CSMD1: variants seen among roughly 807,000 people sequenced by gnomAD.
CSMD1 encodes CUB and Sushi multiple domains 1.
In CSMD1, 213 loss-of-function variants were observed where a neutral mutation model predicts 417.5. The observed-to-expected ratio is 0.51, with a 90% CI of 0.46 to 0.57. CSMD1 has a LOEUF of 0.57. Among genes scored for constraint, CSMD1 ranks in the 20% least tolerant of loss-of-function variants. The pLI is 0.00. For synonymous variants in CSMD1, 2,862 were observed against 1,736.8 expected (o/e 1.65, Z -16.11); for missense variants, 6,923 against 4,529.7 (o/e 1.53, Z -15.17).
At chr8:3,393,133 C>G (rs1221114846) in intron 17 of CSMD1, among the ~76,000 whole-genome samples, 2 of 152,096 alleles carry the variant, frequency 1.3e-5, no homozygotes, top group Non-Finnish European at 2.9e-5. Context: ...TTCTGAGGTC[C>G]TATTTCTCCC....
At chr8:4,586,532 G>GA (rs761503726) in intron 2 of CSMD1, among the ~76,000 whole-genome samples, 1 of 152,076 alleles carries the variant, frequency 6.6e-6, no homozygotes, top group Non-Finnish European at 1.5e-5. Context: ...AATTTTCCAG[G>GA]AAAAATCAAT....
At chr8:4,598,719 G>T (rs1041049495) in intron 2 of CSMD1, among the ~76,000 whole-genome samples, 1 of 152,142 alleles carries the variant, frequency 6.6e-6, no homozygotes, top group Non-Finnish European at 1.5e-5. Flanking sequence ...GCCAGTGTGG[G>T]TACTGGTACT....
chr8:3,260,998 A>C (rs906958206), intron 26 of CSMD1, among the ~76,000 whole-genome samples: 2 of 151,182 alleles, frequency 1.3e-5, no homozygotes, highest in Non-Finnish European at 2.9e-5. Context: ...GAACAACAAC[A>C]ACAACAAACA....
intron 3 of CSMD1, among the ~76,000 whole-genome samples, chr8:4,093,284 T>C (rs540757467): frequency 9.6e-4 from 146 of 152,286 alleles, no homozygotes; most frequent in Middle Eastern, 6.8e-3. Flanking sequence ...TAAAAAATAA[T>C]TTATCCTATA....
At chr8:4,120,763 C>T (rs1802441579) in intron 3 of CSMD1, among the ~76,000 whole-genome samples, 1 of 152,156 alleles carries the variant, frequency 6.6e-6, no homozygotes, top group Non-Finnish European at 1.5e-5. Flanking sequence ...TAGAGGACAC[C>T]TAGTTAAAAC....
chr8:3,473,924 G>A (rs1289731302), intron 11 of CSMD1, among the ~76,000 whole-genome samples: 1 of 152,146 alleles, frequency 6.6e-6, no homozygotes, highest in Non-Finnish European at 1.5e-5. Context: ...GTCTTACATG[G>A]CAGGAGGAGA....
chr8:4,913,739 G>A (rs911497922), intron 1 of CSMD1, among the ~76,000 whole-genome samples: 4 of 152,132 alleles, frequency 2.6e-5, no homozygotes, highest in East Asian at 1.9e-4. Flanking sequence ...ATCTGCAAGC[G>A]AGGGAGTTGT....
In CSMD1 at chr8:4,411,168, A is replaced by C. The variant is rs77217465; in HGVS notation, c.415+8785T>G. Among the ~76,000 whole-genome samples, 917 of 152,290 alleles carry C rather than the reference A, an allele frequency of 6.0e-3. 38 individuals are homozygous for C. The East Asian group carries it at 0.092, about 15-fold the overall frequency. The stretch of plus-strand genomic sequence containing the variant: ...CATCTCTTTCCTTTATAAATTACCC[A>C]GTCTCAGGTAACACAGCAACATAAA... On this transcript the variant is annotated intron_variant, in intron 3 of 69. Coordinates refer to ENST00000635120, the MANE Select transcript of CSMD1 (RefSeq NM_033225.6).
chr8:4,105,183 T>G (rs1267411632), intron 3 of CSMD1, among the ~76,000 whole-genome samples: 1 of 152,132 alleles, frequency 6.6e-6, no homozygotes, highest in Non-Finnish European at 1.5e-5. Flanking sequence ...ATGGATGCCA[T>G]ACATCCTAAG....
intron 12 of CSMD1, among the ~76,000 whole-genome samples, chr8:3,466,109 G>A (rs564863962): frequency 1.7e-4 from 26 of 152,096 alleles, no homozygotes; most frequent in African/African-American, 4.6e-4. Flanking sequence ...ATAAGAGCTC[G>A]CATTTCTTAA....
chr8:4,229,390 T>A (rs1351138269), intron 3 of CSMD1, among the ~76,000 whole-genome samples: 1 of 152,244 alleles, frequency 6.6e-6, no homozygotes, highest in Non-Finnish European at 1.5e-5. Context: ...AAGATTCTCT[T>A]AGATCACAAG....
intron 3 of CSMD1, among the ~76,000 whole-genome samples, chr8:4,216,273 G>C (rs953908757): frequency 8.6e-5 from 13 of 151,936 alleles, no homozygotes; most frequent in South Asian, 8.3e-4. Flanking sequence ...TACGAGACCT[G>C]ACCTTCTCCC....
intron 5 of CSMD1, among the ~76,000 whole-genome samples, chr8:3,763,166 C>T (rs750839837): frequency 5.3e-5 from 8 of 152,206 alleles, no homozygotes; most frequent in Non-Finnish European, 7.3e-5. Context: ...TCTTCACCCA[C>T]ACTCCCAGAG....
intron 11 of CSMD1, among the ~76,000 whole-genome samples, chr8:3,476,657 C>A (rs1817443291): frequency 6.6e-6 from 1 of 152,120 alleles, no homozygotes; most frequent in Non-Finnish European, 1.5e-5. Context: ...TGGCTTACTC[C>A]TGTAATGCCA....
intron 10 of CSMD1, among the ~76,000 whole-genome samples, chr8:3,574,335 G>T (rs1204832101): frequency 3.9e-5 from 6 of 152,206 alleles, no homozygotes. Context: ...CTGCCTCCTG[G>T]GTTCAAGCGA....
intron 12 of CSMD1, among the ~76,000 whole-genome samples, chr8:3,461,409 TA>T (rs2117153889): frequency 6.6e-6 from 1 of 152,292 alleles, no homozygotes; most frequent in Admixed American, 6.5e-5. Context: ...TCCACGGCCA[TA>T]ATGCTGTGTC....
chr8:3,260,870 C>T (rs1055309502), intron 26 of CSMD1, among the ~76,000 whole-genome samples: 4 of 152,078 alleles, frequency 2.6e-5, no homozygotes, highest in Admixed American at 2.6e-4. Flanking sequence ...AAGCTACAGA[C>T]TGGGAGAAAA....
intron 10 of CSMD1, among the ~76,000 whole-genome samples, chr8:3,562,876 G>T (rs1799529039): frequency 1.3e-5 from 2 of 151,016 alleles, no homozygotes; most frequent in Admixed American, 1.3e-4. Flanking sequence ...CATGACACAA[G>T]TTTACCTTTT....
At chr8:3,134,916 C>T (rs562776561) in intron 41 of CSMD1, among the ~76,000 whole-genome samples, 71 of 152,274 alleles carry the variant, frequency 4.7e-4, no homozygotes, top group Middle Eastern at 6.8e-3. Flanking sequence ...CCATACGTAA[C>T]AGTTATTATT....
Sources: allele counts gnomAD v4.1 joint callset (sites outside exome capture counted in the v4.1 genomes callset), GRCh38; gene constraint gnomAD v4.1.1; transcripts MANE v1.5; gene names NCBI Gene and HGNC (gene_info 2026-07-23, HGNC 2026-07-21).